Variants in PTPRD observed in about 807,000 individuals in gnomAD.
PTPRD encodes the protein receptor-type tyrosine-protein phosphatase delta.
Under a neutral mutation model 214.5 loss-of-function variants are expected in PTPRD, and 34 were observed. That is an observed-to-expected ratio of 0.16 (90% CI 0.12 to 0.21). The LOEUF (loss-of-function observed/expected upper bound fraction) is 0.21. Among genes scored for constraint, PTPRD ranks in the 10% least tolerant of loss-of-function variants. The pLI is 1.00. For missense variants in PTPRD, 2,545 were observed against 2,398.7 expected (o/e 1.06, Z -1.27); for synonymous variants, 1,128 against 845.7 (o/e 1.33, Z -5.79).
intron 8 of PTPRD, among the ~76,000 whole-genome samples, chr9:9,431,625 T>C (rs1048890511): frequency 2.0e-5 from 3 of 152,060 alleles, no homozygotes; most frequent in Non-Finnish European, 4.4e-5. Context: ...TGTGGCACTA[T>C]TCACAATAGC....
chr9:9,896,523 A>AT (rs549487993), intron 5 of PTPRD, among the ~76,000 whole-genome samples: 231 of 152,138 alleles, frequency 1.5e-3, no homozygotes, highest in Non-Finnish European at 2.8e-3. Flanking sequence ...AGCTAAACAC[A>AT]TTTTTTAAAA....
At chr9:10,133,427 G>C (rs1412853909) in intron 3 of PTPRD, among the ~76,000 whole-genome samples, 1 of 152,046 alleles carries the variant, frequency 6.6e-6, no homozygotes, top group Non-Finnish European at 1.5e-5. Flanking sequence ...TCTAGTTTCA[G>C]AAAGGACAAA....
At chr9:9,243,040 T>C (rs1431778522) in intron 9 of PTPRD, among the ~76,000 whole-genome samples, 1 of 152,160 alleles carries the variant, frequency 6.6e-6, no homozygotes, top group Non-Finnish European at 1.5e-5. Context: ...CCCTTCTGTT[T>C]GTTAGTTTTC....
At chr9:9,326,343 A>G (rs1186890946) in intron 9 of PTPRD, among the ~76,000 whole-genome samples, 1 of 152,062 alleles carries the variant, frequency 6.6e-6, no homozygotes, top group Non-Finnish European at 1.5e-5. Context: ...ATTGAGAGAA[A>G]TTTTTTTCAA....
chr9:10,424,830 G>A (rs1015060877), intron 2 of PTPRD, among the ~76,000 whole-genome samples: 1 of 151,936 alleles, frequency 6.6e-6, no homozygotes, highest in Non-Finnish European at 1.5e-5. Context: ...TACTATTTTT[G>A]CAGTTATTAC....
Position 9,634,727 on chromosome 9 carries a change from A to T in PTPRD, c.-286-59946T>A, listed in dbSNP as rs766560579. On this transcript the variant is annotated intron_variant, in intron 7 of 45. Coordinates refer to ENST00000381196, the MANE Select transcript of PTPRD (RefSeq NM_002839.4). ...AAAAATCATGATATCTTATTTGAGT[A>T]GATTTCTGTGCATACTACGTATATA... 3.0e-4 allele frequency among the ~76,000 whole-genome samples: 46 copies of T among 152,312 alleles called. No homozygotes were observed. In the Middle Eastern group the frequency reaches 0.01, roughly 34 times the overall value.
At chr9:8,986,919 G>A (rs372199177) in intron 11 of PTPRD, among the ~76,000 whole-genome samples, 1 of 152,008 alleles carries the variant, frequency 6.6e-6, no homozygotes, top group Non-Finnish European at 1.5e-5. Context: ...GTCTGTCTCT[G>A]AGGACTAAGG....
intron 3 of PTPRD, among the ~76,000 whole-genome samples, chr9:10,203,795 G>A (rs918665777): frequency 1.4e-4 from 22 of 152,078 alleles, no homozygotes; most frequent in African/African-American, 4.6e-4. Context: ...CTTCTCAGTC[G>A]AGTCTGGTAA....
intron 11 of PTPRD, among the ~76,000 whole-genome samples, chr9:8,895,756 T>C (rs1323058858): frequency 6.6e-6 from 1 of 152,180 alleles, no homozygotes; most frequent in Non-Finnish European, 1.5e-5. Context: ...TCCTCCAGAC[T>C]TTAGTTTACT....
At chr9:9,621,472 G>A (rs1459185414) in intron 7 of PTPRD, among the ~76,000 whole-genome samples, 1 of 152,092 alleles carries the variant, frequency 6.6e-6, no homozygotes, top group African/African-American at 2.4e-5. Flanking sequence ...GCAGAACAAT[G>A]GAGTCAGACT....
At chr9:9,339,828 C>A (rs879524272) in intron 9 of PTPRD, among the ~76,000 whole-genome samples, 2 of 152,094 alleles carry the variant, frequency 1.3e-5, no homozygotes, top group African/African-American at 4.8e-5. Flanking sequence ...ATCATGGAAG[C>A]TTTTAGTAGC....
At chr9:10,390,046 C>T (rs1378636322) in intron 2 of PTPRD, among the ~76,000 whole-genome samples, 1 of 151,720 alleles carries the variant, frequency 6.6e-6, no homozygotes, top group Non-Finnish European at 1.5e-5. Context: ...CTTTACATGG[C>T]TCACAATTGC....
chr9:8,338,482 C>T (rs1025425158), intron 43 of PTPRD, among the ~76,000 whole-genome samples: 18 of 152,182 alleles, frequency 1.2e-4, no homozygotes, highest in Admixed American at 5.2e-4. Context: ...ATTTGCTCTG[C>T]GGTTTTAAAA....
At chr9:9,569,909 T>C (rs935942557) in intron 8 of PTPRD, among the ~76,000 whole-genome samples, 1 of 151,560 alleles carries the variant, frequency 6.6e-6, no homozygotes, top group Admixed American at 6.6e-5. Flanking sequence ...TCCATATGTA[T>C]TCAGACTAAA....
At chr9:10,051,237 G>A (rs577525511) in intron 3 of PTPRD, among the ~76,000 whole-genome samples, 30 of 152,070 alleles carry the variant, frequency 2.0e-4, no homozygotes, top group Non-Finnish European at 3.7e-4. Context: ...GAAAAGAGTT[G>A]TTTCGGGAAA....
At chr9:10,093,935 G>C (rs1431909260) in intron 3 of PTPRD, among the ~76,000 whole-genome samples, 1 of 151,248 alleles carries the variant, frequency 6.6e-6, no homozygotes, top group Non-Finnish European at 1.5e-5. Context: ...GGGACTACTA[G>C]AGCAGGGAGA....
chr9:9,370,440 G>C (rs1476539058), intron 9 of PTPRD, among the ~76,000 whole-genome samples: 2 of 151,182 alleles, frequency 1.3e-5, no homozygotes, highest in Admixed American at 1.3e-4. Flanking sequence ...AAGAAGGCTT[G>C]TGATTTTTGC....
chr9:9,709,901 T>C (rs745548584), intron 7 of PTPRD, among the ~76,000 whole-genome samples: 16 of 152,066 alleles, frequency 1.1e-4, no homozygotes, highest in African/African-American at 3.6e-4. Context: ...TTAAATCCCA[T>C]TAATAGAATA....
In PTPRD at chr9:8,688,028, C is replaced by T. The variant is rs966535424; in HGVS notation, c.64+45752G>A. On this transcript the variant is annotated intron_variant, in intron 12 of 45. Transcript: ENST00000381196. ...ATTCTTTATTACAATAAAAAGTTCGCTATATAATGACAATATGAGAGTTAT... is the reference window on the plus strand; with the variant it reads ...ATTCTTTATTACAATAAAAAGTTCGTTATATAATGACAATATGAGAGTTAT... 3.9e-4 allele frequency among the ~76,000 whole-genome samples: 59 copies of T among 152,236 alleles called. 1 individual carries two copies. The highest frequency in any genetic ancestry group is 3.3e-3 in the Admixed American group (51 of 15,292).
Sources: allele counts gnomAD v4.1 joint callset (sites outside exome capture counted in the v4.1 genomes callset), GRCh38; gene constraint gnomAD v4.1.1; transcripts MANE v1.5; gene names NCBI Gene and HGNC (gene_info 2026-07-23, HGNC 2026-07-21).